The following LMBR1 variants were observed in gnomAD, a reference collection of about 807,000 sequenced individuals.
The protein encoded by LMBR1 is limb development membrane protein 1.
In LMBR1, 52 loss-of-function variants were observed where a neutral mutation model predicts 73.9. That is an observed-to-expected ratio of 0.70 (90% confidence interval 0.56 to 0.89). The LOEUF (loss-of-function observed/expected upper bound fraction) is 0.89. Among genes scored for constraint, LMBR1 ranks in the 40% least tolerant of loss-of-function variants. The probability of loss-of-function intolerance (pLI) is 0.00; values close to 1 mark genes in which losing one functional copy is unlikely to be tolerated. For missense variants in LMBR1, 539 were observed against 579.8 expected (o/e 0.93, Z 0.72); for synonymous variants, 215 against 209.4 (o/e 1.03, Z -0.23).
At chr7:156,802,636 C>T (rs1349857322) in intron 4 of LMBR1, among the ~76,000 whole-genome samples, 4 of 152,128 alleles carry the variant, frequency 2.6e-5, no homozygotes, top group African/African-American at 9.7e-5. Flanking sequence ...AAATAAGCTA[C>T]ACATGGAGTA....
At chr7:156,795,364 C>A (rs1184839276) in intron 5 of LMBR1, among the ~76,000 whole-genome samples, 1 of 152,184 alleles carries the variant, frequency 6.6e-6, no homozygotes, top group Non-Finnish European at 1.5e-5. Context: ...AGGCCAGAGG[C>A]CCATCTTTTC....
intron 4 of LMBR1, among the ~76,000 whole-genome samples, chr7:156,809,071 C>A (rs1300078574): frequency 6.6e-6 from 1 of 152,138 alleles, no homozygotes; most frequent in East Asian, 1.9e-4. Context: ...AGCTTCTCTA[C>A]ATATAAACTG....
chr7:156,740,700 G>A (rs951363239), intron 9 of LMBR1, among the ~76,000 whole-genome samples: 1 of 152,112 alleles, frequency 6.6e-6, no homozygotes, highest in Non-Finnish European at 1.5e-5. Flanking sequence ...ACAAACAAAA[G>A]CTGAGGCATT....
rs75668861 is a variant in LMBR1 at position 156,833,902 on chromosome 7, A to T, written c.140-110T>A. 26,491 of 700,216 alleles carry T rather than the reference A, an allele frequency of 0.038. 643 individuals carry two copies. Among genetic ancestry groups the T allele is most frequent in the South Asian group, 0.08 (3,849 of 48,246 alleles). 43.4% of individuals were successfully genotyped at this position (700,216 alleles called of 1,614,324 possible). ...AACTTAAAAGGCAATTATTGAACAG[A>T]AACAATTTTCAAAAAGCACTGTATT... On this transcript the variant is annotated intron_variant, in intron 2 of 16. Transcript: ENST00000353442.
rs772250880 is a variant in LMBR1 at position 156,892,965 on chromosome 7, C to T, written c.29G>A (p.Arg10Gln). ...CACTTGGCTGTGGAAGTGCTGCTCC[C>T]GCGCCGACACCTCGTCCTGCCCTTC... Reference protein sequence around the residue: MEGQDEVSAREQHFHSQVRE... With the variant: MEGQDEVSAQEQHFHSQVRE... Residue 10 changes from arginine to glutamine, a missense_variant, in exon 1 of 17, where the codon CGG becomes CAG. This residue lies in a region of LMBR1 where 454 missense variants were observed against 473.4 expected (regional missense o/e 0.96). Coordinates refer to ENST00000353442, the MANE Select transcript of LMBR1 (RefSeq NM_022458.4). The T allele has an allele frequency of 3.2e-6, 5 of 1,543,532 alleles. No individual in the cohort carries two copies. Among genetic ancestry groups the T allele is most frequent in the Non-Finnish European group, 4.3e-6 (5 of 1,152,286 alleles).
intron 15 of LMBR1, among the ~76,000 whole-genome samples, chr7:156,713,229 G>A (rs923362119): frequency 1.3e-5 from 2 of 152,076 alleles, no homozygotes. Context: ...GGCTGCCGGG[G>A]GTGAGAGAGA....
chr7:156,748,583 G>A (rs1031207692), intron 9 of LMBR1, among the ~76,000 whole-genome samples: 23 of 152,054 alleles, frequency 1.5e-4, no homozygotes, highest in Non-Finnish European at 2.8e-4. Flanking sequence ...CTGCTGCCCA[G>A]GTTCAAGTGA....
At chr7:156,791,258 C>CAT (rs1233810618) in intron 5 of LMBR1, among the ~76,000 whole-genome samples, 1 of 152,176 alleles carries the variant, frequency 6.6e-6, no homozygotes, top group East Asian at 1.9e-4. Flanking sequence ...CAAATATGCG[C>CAT]ATGTGCCACT....
At chr7:156,691,608 G>A (rs561124249) in intron 15 of LMBR1, among the ~76,000 whole-genome samples, 2 of 152,128 alleles carry the variant, frequency 1.3e-5, no homozygotes, top group Non-Finnish European at 2.9e-5. Context: ...AGTTTATAAA[G>A]CTTGACACAT....
At chr7:156,798,366 C>T (rs1468809366) in intron 4 of LMBR1, among the ~76,000 whole-genome samples, 1 of 152,200 alleles carries the variant, frequency 6.6e-6, no homozygotes, top group Non-Finnish European at 1.5e-5. Context: ...TCCAGGCTCG[C>T]TTGCTAGTTT....
intron 1 of LMBR1, among the ~76,000 whole-genome samples, chr7:156,837,786 C>CT (rs200071206): frequency 0.27 from 35,902 of 135,234 alleles, 5,069 homozygotes; most frequent in East Asian, 0.49. Flanking sequence ...TTTAATTTTG[C>CT]TTTTTTTTTT....
rs866469036 is a variant in LMBR1, at chr7:156,893,022, C to T, written c.-29G>A. ...CCTTCATGCCCGCCGCCGCGCCGCCCGCGTCCGCGTGCTCCGCCACACCAT... is the reference window on the plus strand; with the variant it reads ...CCTTCATGCCCGCCGCCGCGCCGCCTGCGTCCGCGTGCTCCGCCACACCAT... On this transcript the variant is annotated 5_prime_UTR_variant, in exon 1 of 17. Coordinates refer to ENST00000353442, the MANE Select transcript of LMBR1 (RefSeq NM_022458.4). The T allele has an allele frequency of 1.4e-6, 2 of 1,478,854 alleles. No individual in the cohort carries two copies. The highest frequency in any genetic ancestry group is 1.8e-6 in the Non-Finnish European group (2 of 1,119,766). The allele number at this position is 1,478,854 out of a possible 1,614,324, so 91.6% of individuals were successfully genotyped here. A position where few individuals can be genotyped will look rare whatever the true frequency, so the allele number is the denominator to read the frequency against.
intron 1 of LMBR1, among the ~76,000 whole-genome samples, chr7:156,846,701 A>G (rs973038868): frequency 6.6e-6 from 1 of 152,172 alleles, no homozygotes; most frequent in Non-Finnish European, 1.5e-5. Context: ...TAAATTTTAC[A>G]TGGAGAAGCA....
chr7:156,883,335 G>A (rs552547633), intron 1 of LMBR1, among the ~76,000 whole-genome samples: 1 of 151,938 alleles, frequency 6.6e-6, no homozygotes, highest in African/African-American at 2.4e-5. Flanking sequence ...GGAGGCGGAG[G>A]CTGCAGTGAG....
rs549081729 is a variant in LMBR1 at position 156,771,734 on chromosome 7, A to G, written c.424-7939T>C. ...AAAGGACACCTCCCTAACTCATTCT[A>G]TGAGGCCAGCATCATTCTGATACCA... is the stretch of plus-strand genomic sequence containing the variant. On this transcript the variant is annotated intron_variant, in intron 5 of 16. Coordinates refer to ENST00000353442, the MANE Select transcript of LMBR1 (RefSeq NM_022458.4). Among the ~76,000 whole-genome samples the G allele has an allele frequency of 5.3e-5, 8 of 152,334 alleles. No individual in the cohort carries two copies. The East Asian group carries it at 1.3e-3, about 26-fold the overall frequency.
intron 4 of LMBR1, among the ~76,000 whole-genome samples, chr7:156,816,453 A>G (rs962918279): frequency 7.9e-5 from 12 of 152,202 alleles, no homozygotes; most frequent in South Asian, 4.1e-4. Context: ...TGTCTGTTGG[A>G]CAACTGAAGA....
intron 4 of LMBR1, 110 bp from the exon 5 acceptor site, chr7:156,796,602 G>T: frequency 1.8e-6 from 1 of 569,398 alleles, no homozygotes; most frequent in Non-Finnish European, 2.9e-6. Flanking sequence ...AGTAACAAAT[G>T]ACCTAAACTT....
At chr7:156,749,808 G>A (rs191814238) in intron 9 of LMBR1, among the ~76,000 whole-genome samples, 2 of 152,138 alleles carry the variant, frequency 1.3e-5, no homozygotes, top group Non-Finnish European at 1.5e-5. Flanking sequence ...TCCTGCCCCA[G>A]CTTCCCAAGT....
chr7:156,793,930 C>A (rs946923847), intron 5 of LMBR1, among the ~76,000 whole-genome samples: 1 of 151,708 alleles, frequency 6.6e-6, no homozygotes, highest in African/African-American at 2.4e-5. Context: ...CTGACTGATG[C>A]CAAATTTTCT....
Sources: gnomAD v4.1 joint callset for allele counts (sites outside exome capture counted in the v4.1 genomes callset) on GRCh38, gnomAD v4.1.1 for gene constraint, gnomAD v4.1.1 regional missense constraint, MANE v1.5 for transcripts, NCBI Gene and HGNC (gene_info 2026-07-23, HGNC 2026-07-21) for gene names.